The following CYLC2 variants were observed in gnomAD, a reference collection of about 807,000 sequenced individuals.
CYLC2 encodes cylicin 2.
Under a neutral mutation model 26.1 loss-of-function variants are expected in CYLC2, and 30 were observed. That is an observed-to-expected ratio of 1.15 (90% CI 0.86 to 1.56). CYLC2 has a LOEUF of 1.56. Among genes scored for constraint, CYLC2 ranks in the 40% most tolerant of loss-of-function variants. The pLI is 0.00. For synonymous variants in CYLC2, 158 were observed against 132.8 expected (o/e 1.19, Z -1.31); for missense variants, 498 against 394.4 (o/e 1.26, Z -2.23).
chr9:103,017,210 G>T (rs1343542012), intron 7 of CYLC2, among the ~76,000 whole-genome samples: 9 of 151,702 alleles, frequency 5.9e-5, no homozygotes, highest in Admixed American at 5.3e-4. Flanking sequence ...TAAGGTGGGT[G>T]GCATTTGAGA....
chr9:103,013,885 AATAAT>A (rs1371616425), intron 6 of CYLC2, among the ~76,000 whole-genome samples: 211 of 113,796 alleles, frequency 1.9e-3, no homozygotes, highest in African/African-American at 7.3e-3. Context: ...ACATATAATA[AATAAT>A]ATATTATATA....
At chr9:103,016,496 A>G (rs549878583) in intron 6 of CYLC2, among the ~76,000 whole-genome samples, 1 of 152,022 alleles carries the variant, frequency 6.6e-6, no homozygotes, top group Admixed American at 6.6e-5. Flanking sequence ...TCCACAAGCC[A>G]TTTATCCCAT....
chr9:103,005,568 G>C lies in CYLC2; in HGVS notation c.937G>C (p.Ala313Pro). 1 of 1,608,784 alleles carries C rather than the reference G, an allele frequency of 6.2e-7. No homozygotes were observed. The highest frequency in any genetic ancestry group is 8.5e-7 in the Non-Finnish European group (1 of 1,176,644). ...CAAGAAAGATACTGAGAAAGAATCT[G>C]CTGATTCAAAGAAGGATGCAAAGAA... Reference protein sequence around the residue: ...VAKKDTEKESADSKKDAKKNA... With the variant: ...VAKKDTEKESPDSKKDAKKNA... The change falls in exon 5 of 8, where the codon GCT (alanine) becomes CCT (proline). Residue 313 changes from alanine (A) to proline (P), a missense_variant. Ala to Pro is a conservative substitution (Grantham distance 27, BLOSUM62 -1). Coordinates refer to ENST00000374798, the MANE Select transcript of CYLC2 (RefSeq NM_001340.5).
At chr9:103,007,714 C>T (rs539659993) in intron 5 of CYLC2, among the ~76,000 whole-genome samples, 1 of 152,230 alleles carries the variant, frequency 6.6e-6, no homozygotes, top group South Asian at 2.1e-4. Flanking sequence ...AGTGTTGCTG[C>T]AGAACTTGCT....
intron 1 of CYLC2, among the ~76,000 whole-genome samples, chr9:103,000,147 T>C (rs1478161902): frequency 6.6e-6 from 1 of 151,888 alleles, no homozygotes; most frequent in Non-Finnish European, 1.5e-5. Flanking sequence ...ATAATTATCT[T>C]ATTGTTCAGT....
At chr9:103,009,842 T>G (rs915685031) in intron 5 of CYLC2, among the ~76,000 whole-genome samples, 3 of 151,476 alleles carry the variant, frequency 2.0e-5, no homozygotes, top group African/African-American at 7.3e-5. Flanking sequence ...AACACTTTTA[T>G]CTTTGTAATA....
chr9:103,016,471 A>G (rs915491767), intron 6 of CYLC2, among the ~76,000 whole-genome samples: 2 of 152,198 alleles, frequency 1.3e-5, no homozygotes, highest in South Asian at 4.1e-4. Flanking sequence ...AGTAGTTGTC[A>G]CATGCATATG....
chr9:103,015,357 AATC>A (rs1174389981), intron 6 of CYLC2, among the ~76,000 whole-genome samples: 1 of 121,066 alleles, frequency 8.3e-6, no homozygotes, highest in Non-Finnish European at 1.6e-5. Flanking sequence ...TATTATATAT[AATC>A]ATATTATATA....
At chr9:103,010,661 T>C (rs1196083505) in intron 5 of CYLC2, 1 of 152,204 alleles carries the variant, frequency 6.6e-6, no homozygotes, top group East Asian at 1.9e-4. Flanking sequence ...AAATGTATAG[T>C]TATGTTAAAA....
chr9:103,008,156 T>G (rs1829370965), intron 5 of CYLC2, among the ~76,000 whole-genome samples: 1 of 151,884 alleles, frequency 6.6e-6, no homozygotes, highest in African/African-American at 2.4e-5. Context: ...TTTTCCTCTA[T>G]AAAAAGGCCC....
In CYLC2 at chr9:103,009,280, C is replaced by T. The variant is rs536009886; in HGVS notation, c.*701-2702C>T. On this transcript the variant is annotated intron_variant, in intron 5 of 7. Coordinates refer to ENST00000374798, the MANE Select transcript of CYLC2 (RefSeq NM_001340.5). ...GGTACAATGGTGTGATCACAGCTCA[C>T]TGCAGCCTCAACCTCCCCAGGCTCA... 2.6e-5 allele frequency among the ~76,000 whole-genome samples: 4 copies of T among 152,242 alleles called. No individual in the cohort carries two copies. The South Asian group carries it at 8.3e-4, about 32-fold the overall frequency.
chr9:103,015,169 ATATCACGTG>A, intron 6 of CYLC2, among the ~76,000 whole-genome samples: 1 of 24,226 alleles, frequency 4.1e-5, no homozygotes, highest in African/African-American at 1.4e-4. Context: ...CATAACATGT[ATATCACGTG>A]ATATACATAA....
intron 5 of CYLC2, among the ~76,000 whole-genome samples, chr9:103,007,812 T>C (rs1449595351): frequency 6.6e-6 from 1 of 152,156 alleles, no homozygotes. Context: ...GGTCTCCTAG[T>C]CTGTATGTTC....
intron 6 of CYLC2, among the ~76,000 whole-genome samples, chr9:103,013,683 T>A (rs1829445650): frequency 1.8e-5 from 2 of 111,046 alleles, no homozygotes; most frequent in East Asian, 2.9e-4. Flanking sequence ...ATATATATGA[T>A]ATATAATATA....
At chr9:103,015,815 G>C (rs1233565372) in intron 6 of CYLC2, among the ~76,000 whole-genome samples, 1 of 149,512 alleles carries the variant, frequency 6.7e-6, no homozygotes, top group Non-Finnish European at 1.5e-5. Context: ...ATCTTGTTTT[G>C]TCCCCAAAAT....
In CYLC2 at chr9:103,006,017, G is replaced by GACACACACACACACAC. The variant is rs201304746; in HGVS notation, c.*379_*394dup. ...TGAAGATAATGACACTAAATCTATG[G>GACACACACACACACAC]ACACACACACACACACACACACACA... On this transcript the variant is annotated 3_prime_UTR_variant, in exon 5 of 8. Transcript: ENST00000374798. 5.5e-3 allele frequency: 658 copies of GACACACACACACACAC among 120,036 alleles called. 25 individuals carry two copies. The highest frequency in any genetic ancestry group is 8.4e-3 in the Non-Finnish European group (507 of 60,000). The allele number at this position is 120,036 out of a possible 1,614,324, so 7.4% of individuals were successfully genotyped here. A position where few individuals can be genotyped will look rare whatever the true frequency, so the allele number is the denominator to read the frequency against.
rs376103199 is a variant in CYLC2 at position 103,005,093 on chromosome 9, G to T, written c.462G>T (p.Lys154Asn). ...ATATAGAGAAAGGAAAAGAAGAAAAGCTAGATGCAAAGAAAGATAGCAAAA... is the reference window on the plus strand; with the variant it reads ...ATATAGAGAAAGGAAAAGAAGAAAATCTAGATGCAAAGAAAGATAGCAAAA... ...GKDIEKGKEE[K>N]LDAKKDSKKG... Residue 154 changes from lysine to asparagine, a missense_variant, in exon 5 of 8, where the codon AAG becomes AAT. Coordinates refer to ENST00000374798, the MANE Select transcript of CYLC2 (RefSeq NM_001340.5). The T allele has an allele frequency of 1.2e-6, 2 of 1,606,258 alleles. No homozygotes were observed. Among genetic ancestry groups the T allele is most frequent in the South Asian group, 1.1e-5 (1 of 90,378 alleles).
In CYLC2 at chr9:103,003,315, A is replaced by G. The variant is rs370304533; in HGVS notation, c.180+52A>G. The G allele has an allele frequency of 2.7e-6, 4 of 1,469,222 alleles. No homozygotes were observed. In the South Asian group the frequency reaches 3.6e-5, roughly 13 times the overall value. 91.0% of individuals were successfully genotyped at this position (1,469,222 alleles called of 1,614,324 possible). The stretch of plus-strand genomic sequence containing the variant: ...ATCAGTAATAAGTAATAACTTAGTA[A>G]TAATTATAACCATAATAAGTAATTA... On this transcript the variant is annotated intron_variant, in intron 3 of 7. Coordinates refer to ENST00000374798, the MANE Select transcript of CYLC2 (RefSeq NM_001340.5).
At chr9:103,017,258 A>G (rs1829516843) in intron 7 of CYLC2, among the ~76,000 whole-genome samples, 1 of 152,028 alleles carries the variant, frequency 6.6e-6, no homozygotes, top group South Asian at 2.1e-4. Context: ...AATATGTCCT[A>G]GTAACACCCA....
Sources: gnomAD v4.1 joint callset for allele counts (sites outside exome capture counted in the v4.1 genomes callset) on GRCh38, gnomAD v4.1.1 for gene constraint, MANE v1.5 for transcripts, NCBI Gene and HGNC (gene_info 2026-07-23, HGNC 2026-07-21) for gene names.